Variants in THSD7B observed in about 807,000 individuals in gnomAD.
THSD7B encodes thrombospondin type-1 domain-containing protein 7B.
Under a neutral mutation model 213.6 loss-of-function variants are expected in THSD7B, and 138 were observed. The observed-to-expected ratio is 0.65, with a 90% confidence interval of 0.56 to 0.74. THSD7B has a LOEUF of 0.74. Among genes scored for constraint, THSD7B ranks in the 30% least tolerant of loss-of-function variants. The pLI is 0.00. For missense variants in THSD7B, 1,931 were observed against 1,991.5 expected, an observed-to-expected ratio of 0.97 and a Z score of 0.58; for synonymous variants, 742 against 687.0, an observed-to-expected ratio of 1.08 and a Z score of -1.25.
At chr2:137,403,881 G>A (rs1290314150) in intron 12 of THSD7B, among the ~76,000 whole-genome samples, 1 of 152,162 alleles carries the variant, frequency 6.6e-6, no homozygotes, top group Non-Finnish European at 1.5e-5. Context: ...GGCCAGAGAT[G>A]CTGCTACATA....
rs566586039 is a variant in THSD7B, at chr2:137,145,220, A to G, written c.1370-14993A>G. ...TAGATATAAAATAACATAACTATAG[A>G]TGAAAGGAGTATCATATAATTAGTT... On this transcript the variant is annotated intron_variant, in intron 5 of 27. Coordinates refer to ENST00000409968, the MANE Select transcript of THSD7B (RefSeq NM_001316349.2). Among the ~76,000 whole-genome samples, 117 of 152,226 alleles carry G rather than the reference A, an allele frequency of 7.7e-4. 1 individual carries two copies. The highest frequency in any genetic ancestry group is 1.0e-3 in the Non-Finnish European group (71 of 67,958).
At chr2:137,540,284 A>C (rs369394790) in intron 15 of THSD7B, among the ~76,000 whole-genome samples, 1 of 151,778 alleles carries the variant, frequency 6.6e-6, no homozygotes, top group Non-Finnish European at 1.5e-5. Flanking sequence ...AAGCAGCAAG[A>C]ACCACTTGGC....
At chr2:136,873,606 T>C (rs554859709) in intron 1 of THSD7B, among the ~76,000 whole-genome samples, 1 of 152,278 alleles carries the variant, frequency 6.6e-6, no homozygotes, top group Middle Eastern at 3.4e-3. Context: ...AGTTGAAAAA[T>C]CATCTTCCAC....
intron 17 of THSD7B, among the ~76,000 whole-genome samples, chr2:137,599,849 A>G (rs1353311330): frequency 1.3e-5 from 2 of 152,184 alleles, no homozygotes; most frequent in South Asian, 4.1e-4. Flanking sequence ...CAAAAAGCAT[A>G]TGGAGTGACT....
intron 15 of THSD7B, among the ~76,000 whole-genome samples, chr2:137,461,350 T>C (rs1014119303): frequency 7.9e-5 from 12 of 152,106 alleles, no homozygotes; most frequent in Non-Finnish European, 1.5e-4. Flanking sequence ...GTAGATAATT[T>C]TAGATAATGA....
At chr2:137,007,939 A>G (rs930312482) in intron 2 of THSD7B, among the ~76,000 whole-genome samples, 6 of 152,150 alleles carry the variant, frequency 3.9e-5, no homozygotes, top group Admixed American at 1.3e-4. Flanking sequence ...AAATATGTGG[A>G]CCACCTTTAT....
intron 1 of THSD7B, among the ~76,000 whole-genome samples, chr2:136,868,506 A>C (rs1201965960): frequency 1.3e-5 from 2 of 152,236 alleles, no homozygotes; most frequent in Non-Finnish European, 2.9e-5. Context: ...ATTTCTTTGC[A>C]ACAATAGATG....
At chr2:137,520,050 A>G (rs188954329) in intron 15 of THSD7B, among the ~76,000 whole-genome samples, 3 of 152,240 alleles carry the variant, frequency 2.0e-5, no homozygotes, top group East Asian at 3.8e-4. Context: ...GAGATGCTAA[A>G]AGGTAAAGAC....
chr2:137,581,792 T>A (rs148064989), intron 17 of THSD7B, among the ~76,000 whole-genome samples: 32,920 of 146,004 alleles, frequency 0.23, 3,813 homozygotes, highest in Middle Eastern at 0.34. Context: ...AAAATAATAA[T>A]AAATAATAAT....
chr2:137,618,436 G>A lies in THSD7B; in HGVS notation c.3610G>A (p.Gly1204Ser), dbSNP rs1682450123. 6.2e-7 allele frequency: 1 copy of A among 1,613,862 alleles called. No homozygotes were observed. The highest frequency in any genetic ancestry group is 2.2e-5 in the East Asian group (1 of 44,864). The change falls in exon 19 of 28, where the codon GGC becomes AGC. Residue 1204 changes from glycine (G) to serine (S), a missense_variant. Transcript: ENST00000409968. ...QLSENAPCGQ[G>S]VRTRLLSCVC... ...GAGTGAAAACGCACCCTGTGGTCAA[G>A]GCGTCAGGACCCGCCTGCTAAGCTG...
chr2:137,514,167 C>T (rs996319403), intron 15 of THSD7B, among the ~76,000 whole-genome samples: 1 of 152,074 alleles, frequency 6.6e-6, no homozygotes, highest in African/African-American at 2.4e-5. Context: ...TGAGTGTCAA[C>T]TTGATTGGAT....
chr2:137,107,261 A>T (rs1357417685), intron 4 of THSD7B, among the ~76,000 whole-genome samples: 1 of 152,216 alleles, frequency 6.6e-6, no homozygotes, highest in Non-Finnish European at 1.5e-5. Flanking sequence ...GCTAGAAACC[A>T]TCATTCTCAG....
At chr2:136,827,945 A>AGTGT (rs139133158) in intron 1 of THSD7B, among the ~76,000 whole-genome samples, 2 of 151,270 alleles carry the variant, frequency 1.3e-5, no homozygotes, top group Non-Finnish European at 1.5e-5. Flanking sequence ...TGATTTGAAG[A>AGTGT]GTGTGTGTGT....
At chr2:137,607,877 G>A (rs771772526) in intron 17 of THSD7B, among the ~76,000 whole-genome samples, 7 of 152,138 alleles carry the variant, frequency 4.6e-5, no homozygotes. Flanking sequence ...GACTATGTGA[G>A]GATGTCCCTG....
intron 12 of THSD7B, among the ~76,000 whole-genome samples, chr2:137,385,455 C>G (rs563389158): frequency 6.6e-6 from 1 of 152,328 alleles, no homozygotes; most frequent in South Asian, 2.1e-4. Flanking sequence ...AGAGCCCATG[C>G]TCCCCCACTC....
chr2:137,121,833 A>G (rs1311911495), intron 5 of THSD7B, among the ~76,000 whole-genome samples: 3 of 152,196 alleles, frequency 2.0e-5, no homozygotes, highest in African/African-American at 7.2e-5. Context: ...AGTTTGATTG[A>G]ATTCTCTTTG....
chr2:136,831,231 A>G (rs983821619), intron 1 of THSD7B, among the ~76,000 whole-genome samples: 12 of 148,658 alleles, frequency 8.1e-5, no homozygotes, highest in African/African-American at 2.5e-4. Flanking sequence ...GTATTTTTAC[A>G]TTAAAGACAA....
At chr2:137,419,508 G>A (rs1226410030) in intron 14 of THSD7B, among the ~76,000 whole-genome samples, 1 of 151,356 alleles carries the variant, frequency 6.6e-6, no homozygotes, top group Non-Finnish European at 1.5e-5. Flanking sequence ...CTGAAGTCAG[G>A]TCATCTCTCC....
rs1272189002 is a variant in THSD7B at position 137,056,763 on chromosome 2, CTT to C, written c.485_486del (p.Phe162CysfsTer22). 2 of 1,613,884 alleles carry C rather than the reference CTT, an allele frequency of 1.2e-6. No individual in the cohort carries two copies. Among genetic ancestry groups the C allele is most frequent in the Non-Finnish European group, 1.7e-6 (2 of 1,179,906 alleles). The stretch of plus-strand genomic sequence containing the variant: ...TGGTTGCAAATGAAATATGCGAACA[CTT>C]TGCCCTTCAGCCTCCTACAGAACAG... Reference protein sequence around the residue: ...TVVANEICEHFALQPPTEQAC... With the variant: ...TVVANEICEHXALQPPTEQAC... On this transcript the variant is annotated frameshift_variant, in exon 3 of 28. Transcript: ENST00000409968. LOFTEE classifies it high-confidence loss of function.
Sources: allele counts gnomAD v4.1 joint callset (sites outside exome capture counted in the v4.1 genomes callset), GRCh38; gene constraint gnomAD v4.1.1; transcripts MANE v1.5; gene names NCBI Gene and HGNC (gene_info 2026-07-23, HGNC 2026-07-21).